Variants in NID2 observed in about 807,000 individuals in gnomAD.
The protein encoded by NID2 is nidogen-2.
In NID2, 83 loss-of-function variants were observed where a neutral mutation model predicts 145.4. The ratio of observed to expected loss-of-function variants is 0.57; its 90% confidence interval spans 0.48 to 0.69. The LOEUF (loss-of-function observed/expected upper bound fraction) is 0.69, where lower values mean the gene tolerates loss of function less well. NID2 is among the 30% of genes least tolerant of loss of function. The probability of loss-of-function intolerance (pLI) is 0.00; values close to 1 mark genes in which losing one functional copy is unlikely to be tolerated. For missense variants in NID2, 1,807 were observed against 1,765.7 expected, an observed-to-expected ratio of 1.02 and a Z score of -0.42; for synonymous variants, 739 against 701.3, an observed-to-expected ratio of 1.05 and a Z score of -0.85.
At chr14:52,040,967 T>G (rs1040037377) in intron 7 of NID2, 116 bp from the exon 8 acceptor site, 3 of 828,594 alleles carry the variant, frequency 3.6e-6, no homozygotes, top group African/African-American at 3.4e-5. Flanking sequence ...CTAAGGAGAT[T>G]ATCTGATATC....
intron 5 of NID2, among the ~76,000 whole-genome samples, chr14:52,047,146 C>T (rs1483167336): frequency 6.6e-6 from 1 of 152,186 alleles, no homozygotes; most frequent in African/African-American, 2.4e-5. Flanking sequence ...CAAAAATTCA[C>T]ATCCTGAAGC....
intron 2 of NID2, among the ~76,000 whole-genome samples, chr14:52,065,855 T>C (rs1283255610): frequency 7.1e-6 from 1 of 141,662 alleles, no homozygotes; most frequent in Non-Finnish European, 1.5e-5. Flanking sequence ...TAAGGCTGCA[T>C]AGTATTCCAT....
In NID2 at chr14:52,054,327, T is replaced by TA. The variant is rs1892781782; in HGVS notation, c.768-7dup. The stretch of plus-strand genomic sequence containing the variant: ...GGATCCCCAGGTTGCTTAGTCTAAA[T>TA]AAAAAGGAAACAGTCATTGTAACAA... On this transcript the variant is annotated splice_region_variant and splice_polypyrimidine_tract_variant and intron_variant, in intron 3 of 21. Coordinates refer to ENST00000216286, the MANE Select transcript of NID2 (RefSeq NM_007361.4). 6.2e-7 allele frequency: 1 copy of TA among 1,604,594 alleles called. No individual in the cohort carries two copies. The highest frequency in any genetic ancestry group is 1.3e-5 in the African/African-American group (1 of 74,450).
chr14:52,035,139 C>T (rs1892008522), intron 9 of NID2, among the ~76,000 whole-genome samples: 1 of 152,152 alleles, frequency 6.6e-6, no homozygotes, highest in Non-Finnish European at 1.5e-5. Context: ...TGCCCATAGT[C>T]TGCAGTAGGG....
intron 9 of NID2, among the ~76,000 whole-genome samples, chr14:52,038,423 C>G (rs1206282481): frequency 6.6e-6 from 1 of 152,208 alleles, no homozygotes; most frequent in Non-Finnish European, 1.5e-5. Flanking sequence ...GTAACAAATA[C>G]TTGTCAGCAT....
rs1893289454 is a variant in NID2 at position 52,068,055 on chromosome 14, T to C, written c.337A>G (p.Ile113Val). Residue 113 changes from isoleucine (I) to valine (V), a missense_variant, in exon 2 of 22, where the codon ATC becomes GTC. Transcript: ENST00000216286. ...CGGCCTCTGCCGTGGCTCGTGTCGA[T>C]GTCCGCCAGAAAAGGGGCGATGGCC... is the stretch of plus-strand genomic sequence containing the variant. ...FPAIAPFLAD[I>V]DTSHGRGRVL... 2 of 1,613,628 alleles carry C rather than the reference T, an allele frequency of 1.2e-6. No homozygotes were observed. Among genetic ancestry groups the C allele is most frequent in the Admixed American group, 1.7e-5 (1 of 59,934 alleles).
At chr14:52,029,476 A>G (rs1891717586) in intron 10 of NID2, 71 bp downstream of exon 10, 2 of 1,465,888 alleles carry the variant, frequency 1.4e-6, no homozygotes, top group Non-Finnish European at 1.9e-6. Flanking sequence ...TGTCTTCTAC[A>G]GACATAAGGC....
At chr14:52,019,883 G>A (rs898390428) in intron 13 of NID2, among the ~76,000 whole-genome samples, 176 bp downstream of exon 13, 5 of 152,164 alleles carry the variant, frequency 3.3e-5, no homozygotes, top group Non-Finnish European at 5.9e-5. Context: ...GAAATGTTAC[G>A]AATCAGTGAA....
intron 2 of NID2, among the ~76,000 whole-genome samples, chr14:52,061,858 CT>C (rs1893030346): frequency 6.6e-6 from 1 of 152,232 alleles, no homozygotes; most frequent in African/African-American, 2.4e-5. Context: ...CTGTCTCTCT[CT>C]CACTAAATCA....
chr14:52,005,832 A>G lies in NID2; in HGVS notation c.4022T>C (p.Val1341Ala). The G allele has an allele frequency of 6.2e-7, 1 of 1,611,102 alleles. No individual in the cohort carries two copies. ...TDWRRDGVVS[V>A]NKHSGQFTDE... Reference sequence around the variant, plus strand: ...AGTAAACTGGCCACTATGTTTATTTACTGATACAACACCATCCCTGGTAAC... The same window carrying G: ...AGTAAACTGGCCACTATGTTTATTTGCTGATACAACACCATCCCTGGTAAC... Residue 1341 changes from valine to alanine, a missense_variant, in exon 21 of 22, where the codon GTA becomes GCA. By Grantham distance (64) the Val-to-Ala change is moderately conservative. Coordinates refer to ENST00000216286, the MANE Select transcript of NID2 (RefSeq NM_007361.4).
At chr14:52,007,518 A>G (rs377757198) in intron 19 of NID2, 56 of 364,098 alleles carry the variant, frequency 1.5e-4, no homozygotes, top group African/African-American at 1.2e-3. Flanking sequence ...ACTTCACTTA[A>G]GTTTGTCAAT....
At chr14:52,060,586 T>C (rs1892996150) in intron 2 of NID2, among the ~76,000 whole-genome samples, 1 of 152,228 alleles carries the variant, frequency 6.6e-6, no homozygotes, top group Non-Finnish European at 1.5e-5. Context: ...CAAATACCAT[T>C]TGTCAATTTA....
In NID2 at chr14:52,043,061, C is replaced by T. The variant is rs79260537; in HGVS notation, c.1430-130G>A. 2,129 of 828,948 alleles carry T rather than the reference C, an allele frequency of 2.6e-3. 22 individuals carry two copies. In the African/African-American group the frequency reaches 0.03, roughly 12 times the overall value. 51.3% of individuals were successfully genotyped at this position (828,948 alleles called of 1,614,324 possible). ...AAACAGTTTTTGATGTTTAAGAGAC[C>T]GGCATAACATTCAACCCAAGGGAAT... On this transcript the variant is annotated intron_variant, in intron 5 of 21. Transcript: ENST00000216286.
chr14:52,026,797 G>T (rs375084170), intron 12 of NID2, among the ~76,000 whole-genome samples: 1 of 152,206 alleles, frequency 6.6e-6, no homozygotes, highest in East Asian at 1.9e-4. Flanking sequence ...AGAAAAATTA[G>T]AAATTACATA....
chr14:52,018,682 T>C (rs1891298648), intron 14 of NID2, among the ~76,000 whole-genome samples: 1 of 152,252 alleles, frequency 6.6e-6, no homozygotes, highest in Non-Finnish European at 1.5e-5. Flanking sequence ...GATAGTTACA[T>C]AGGAAAGCAG....
intron 19 of NID2, 27 bp from the exon 20 acceptor site, chr14:52,006,687 G>C: frequency 6.2e-7 from 1 of 1,611,860 alleles, no homozygotes; most frequent in East Asian, 2.2e-5. Flanking sequence ...GGAAAATGAG[G>C]TCCTTCAGCT....
chr14:52,029,488 G>A, intron 10 of NID2, 59 bp downstream of exon 10: 2 of 1,546,678 alleles, frequency 1.3e-6, no homozygotes, highest in African/African-American at 1.4e-5. Flanking sequence ...ACATAAGGCT[G>A]GGGAGGGCAG....
intron 2 of NID2, among the ~76,000 whole-genome samples, chr14:52,062,049 G>T (rs1893034289): frequency 1.3e-5 from 2 of 152,314 alleles, no homozygotes; most frequent in Non-Finnish European, 2.9e-5. Flanking sequence ...GAAACAGCAA[G>T]GAAGGAATGG....
chr14:52,010,051 A>G (rs1422973665), intron 18 of NID2: 2 of 152,230 alleles, frequency 1.3e-5, no homozygotes, highest in Admixed American at 6.5e-5. Flanking sequence ...AGGCAAGCCT[A>G]TGCAAAGAGT....
Sources: gnomAD v4.1 joint callset for allele counts (sites outside exome capture counted in the v4.1 genomes callset) on GRCh38, gnomAD v4.1.1 for gene constraint, MANE v1.5 for transcripts, NCBI Gene and HGNC (gene_info 2026-07-23, HGNC 2026-07-21) for gene names.